The following DOK6 variants were observed in gnomAD, a reference collection of about 807,000 sequenced individuals.
DOK6 encodes docking protein 6.
In DOK6, 22 loss-of-function variants were observed where a neutral mutation model predicts 44.0. That is an observed-to-expected ratio of 0.50 (90% confidence interval 0.36 to 0.71). The LOEUF (loss-of-function observed/expected upper bound fraction) is 0.71. Ranked by LOEUF, DOK6 falls within the 30% of genes least tolerant of loss-of-function variation. The pLI is 0.00. For synonymous variants in DOK6, 166 were observed against 145.5 expected (o/e 1.14, Z -1.01); for missense variants, 340 against 416.4 (o/e 0.82, Z 1.60).
chr18:69,517,742 T>A (rs75249305), intron 1 of DOK6, among the ~76,000 whole-genome samples: 1 of 150,172 alleles, frequency 6.7e-6, no homozygotes, highest in African/African-American at 2.4e-5. Flanking sequence ...TTTTTTTTTT[T>A]AATTTCCCAT....
At position 69,541,550 on chromosome 18, in the gene DOK6, C is replaced by T. The variant is rs938476552; in HGVS notation, c.67-22937C>T. Among the ~76,000 whole-genome samples the T allele has an allele frequency of 1.4e-4, 21 of 151,392 alleles. 1 individual carries two copies. Among genetic ancestry groups the T allele is most frequent in the East Asian group, 3.9e-4 (2 of 5,160 alleles). On this transcript the variant is annotated intron_variant, in intron 1 of 7. Coordinates refer to ENST00000382713, the MANE Select transcript of DOK6 (RefSeq NM_152721.6). Reference sequence around the variant, plus strand: ...TGCATGTATCTAGGTTTGAAATAATCGATACTGGTCCTTTATTAATCTTAG... The same window carrying T: ...TGCATGTATCTAGGTTTGAAATAATTGATACTGGTCCTTTATTAATCTTAG...
chr18:69,616,285 C>T (rs1410488955), intron 3 of DOK6, among the ~76,000 whole-genome samples: 5 of 152,132 alleles, frequency 3.3e-5, no homozygotes, highest in South Asian at 2.1e-4. Context: ...GTCTGCTCTG[C>T]GTCGGTGTCC....
intron 1 of DOK6, among the ~76,000 whole-genome samples, chr18:69,487,712 G>C (rs1455585614): frequency 6.6e-6 from 1 of 152,132 alleles, no homozygotes; most frequent in Non-Finnish European, 1.5e-5. Context: ...GGAAAGCTTT[G>C]GACTCTGGAT....
chr18:69,439,666 T>C (rs1979082555), intron 1 of DOK6, among the ~76,000 whole-genome samples: 1 of 152,188 alleles, frequency 6.6e-6, no homozygotes, highest in Non-Finnish European at 1.5e-5. Flanking sequence ...ACTTCTCTTC[T>C]GTAGCTTCCT....
rs370665910 is a variant in DOK6, at chr18:69,663,425, GA to G, written c.290-14297del. Reference sequence around the variant, plus strand: ...TACCCATGAACTTCAAATAAAAGTAGAAAAAAAAAAAAGAAATCACAAGTCA... The same window carrying G: ...TACCCATGAACTTCAAATAAAAGTAGAAAAAAAAAAAGAAATCACAAGTCA... On this transcript the variant is annotated intron_variant, in intron 3 of 7. Coordinates refer to ENST00000382713, the MANE Select transcript of DOK6 (RefSeq NM_152721.6). 425 of 131,350 alleles carry G rather than the reference GA, an allele frequency of 3.2e-3. 1 individual carries two copies. The highest frequency in any genetic ancestry group is 4.1e-3 in the Non-Finnish European group (245 of 60,426). The allele number at this position is 131,350 out of a possible 1,614,324, so 8.1% of individuals were successfully genotyped here. A position where few individuals can be genotyped will look rare whatever the true frequency, so the allele number is the denominator to read the frequency against.
At chr18:69,584,738 G>A (rs998331291) in intron 2 of DOK6, among the ~76,000 whole-genome samples, 1 of 151,830 alleles carries the variant, frequency 6.6e-6, no homozygotes, top group Non-Finnish European at 1.5e-5. Context: ...TCTGGAAATG[G>A]GCTCTTGGAA....
intron 3 of DOK6, among the ~76,000 whole-genome samples, chr18:69,666,841 C>T (rs942730958): frequency 6.6e-5 from 10 of 152,198 alleles, no homozygotes; most frequent in African/African-American, 2.2e-4. Context: ...AGCAGGGATT[C>T]ACAAGCTGTG....
chr18:69,588,787 T>C (rs1983562094), intron 2 of DOK6, among the ~76,000 whole-genome samples: 1 of 151,926 alleles, frequency 6.6e-6, no homozygotes, highest in Non-Finnish European at 1.5e-5. Context: ...TTAATTCTAA[T>C]ATCATTATGC....
At chr18:69,774,475 A>G (rs1980001382) in intron 7 of DOK6, among the ~76,000 whole-genome samples, 1 of 151,890 alleles carries the variant, frequency 6.6e-6, no homozygotes, top group Non-Finnish European at 1.5e-5. Context: ...TCATGTAACC[A>G]AACACTCATT....
chr18:69,825,124 T>C (rs989738027), intron 7 of DOK6, among the ~76,000 whole-genome samples: 2 of 152,208 alleles, frequency 1.3e-5, no homozygotes, highest in African/African-American at 4.8e-5. Context: ...GAAGTTTTTT[T>C]CAAATTTGAT....
chr18:69,781,373 A>G (rs1599322695), intron 7 of DOK6: 1 of 152,174 alleles, frequency 6.6e-6, no homozygotes, highest in South Asian at 2.1e-4. Context: ...ATACTTCTAC[A>G]TGCAAAGTTG....
chr18:69,536,334 G>A (rs1294290456), intron 1 of DOK6, among the ~76,000 whole-genome samples: 1 of 152,050 alleles, frequency 6.6e-6, no homozygotes, highest in East Asian at 1.9e-4. Flanking sequence ...TAGAATGCAA[G>A]GTAAATACTG....
intron 1 of DOK6, among the ~76,000 whole-genome samples, chr18:69,404,279 T>A (rs1241496083): frequency 6.6e-6 from 1 of 152,140 alleles, no homozygotes; most frequent in Non-Finnish European, 1.5e-5. Flanking sequence ...GTTTAAGAGG[T>A]CAAAAAGGCC....
intron 3 of DOK6, among the ~76,000 whole-genome samples, chr18:69,675,713 G>A (rs1349972139): frequency 6.6e-6 from 1 of 152,000 alleles, no homozygotes; most frequent in Non-Finnish European, 1.5e-5. Flanking sequence ...TGTCTCCCTT[G>A]ACAGAAATTT....
chr18:69,648,207 A>G (rs183219917), intron 3 of DOK6, among the ~76,000 whole-genome samples: 1 of 152,322 alleles, frequency 6.6e-6, no homozygotes, highest in Admixed American at 6.5e-5. Context: ...GTTATTTACT[A>G]TAATTGTTGA....
intron 3 of DOK6, among the ~76,000 whole-genome samples, chr18:69,674,888 T>A (rs1985886138): frequency 6.6e-6 from 1 of 152,170 alleles, no homozygotes; most frequent in South Asian, 2.1e-4. Context: ...GTGCCTGGCA[T>A]ATGGAGAGTT....
chr18:69,772,696 G>A (rs575534275), intron 7 of DOK6, among the ~76,000 whole-genome samples: 1 of 151,970 alleles, frequency 6.6e-6, no homozygotes, highest in Admixed American at 6.6e-5. Context: ...ATGCACAAAA[G>A]TCAACTCAAA....
chr18:69,669,168 T>A (rs945492360), intron 3 of DOK6, among the ~76,000 whole-genome samples: 5 of 152,190 alleles, frequency 3.3e-5, no homozygotes, highest in Admixed American at 6.5e-5. Flanking sequence ...GCAGGGTTGT[T>A]ACATGGGTAA....
chr18:69,411,992 A>C (rs982549919), intron 1 of DOK6, among the ~76,000 whole-genome samples: 3 of 152,098 alleles, frequency 2.0e-5, no homozygotes, highest in Non-Finnish European at 4.4e-5. Flanking sequence ...ATTCATTGCT[A>C]TCAATTTCGA....
Sources: allele counts gnomAD v4.1 joint callset (sites outside exome capture counted in the v4.1 genomes callset), GRCh38; gene constraint gnomAD v4.1.1; transcripts MANE v1.5; gene names NCBI Gene and HGNC (gene_info 2026-07-23, HGNC 2026-07-21).